The following EXOC4 variants were observed in gnomAD, a reference collection of about 807,000 sequenced individuals.
The protein encoded by EXOC4 is SEC8-like 1.
A neutral mutation model predicts 107.2 loss-of-function variants in EXOC4; 71 were observed. The observed-to-expected ratio is 0.66, with a 90% CI of 0.55 to 0.81. The LOEUF is 0.81. Ranked by LOEUF, EXOC4 falls within the 30% of genes least tolerant of loss-of-function variation. The pLI is 0.00. For missense variants in EXOC4, 1,108 were observed against 1,189.6 expected (o/e 0.93, Z 1.01); for synonymous variants, 456 against 441.2 (o/e 1.03, Z -0.42).
intron 11 of EXOC4, among the ~76,000 whole-genome samples, chr7:133,879,993 C>T (rs1318011305): frequency 6.6e-6 from 1 of 152,150 alleles, no homozygotes; most frequent in African/African-American, 2.4e-5. Flanking sequence ...TCTCCAGCCA[C>T]ACTTGTCTCC....
chr7:133,784,280 G>A (rs1228245578), intron 10 of EXOC4, among the ~76,000 whole-genome samples: 1 of 152,012 alleles, frequency 6.6e-6, no homozygotes, highest in African/African-American at 2.4e-5. Context: ...TTCATTAAGA[G>A]GACAGAAAAA....
chr7:133,474,678 A>G (rs990974679), intron 7 of EXOC4, among the ~76,000 whole-genome samples: 7 of 152,066 alleles, frequency 4.6e-5, no homozygotes, highest in African/African-American at 1.7e-4. Context: ...AGTAGTGGCT[A>G]TGGAAATTCT....
intron 7 of EXOC4, among the ~76,000 whole-genome samples, chr7:133,385,066 T>A: frequency 6.6e-6 from 1 of 152,212 alleles, no homozygotes; most frequent in East Asian, 1.9e-4. Flanking sequence ...TTTCACCATA[T>A]GACCTTGCAG....
intron 12 of EXOC4, among the ~76,000 whole-genome samples, chr7:133,898,745 CAAAAAAAAAAAAAAA>C (rs869131471): frequency 1.5e-5 from 1 of 64,778 alleles, no homozygotes; most frequent in Non-Finnish European, 2.8e-5. Context: ...GACTCTGTCT[CAAAAAAAAAAAAAAA>C]AAAAAAAAAG....
At chr7:134,037,967 C>G (rs536999016) in intron 17 of EXOC4, among the ~76,000 whole-genome samples, 6 of 152,164 alleles carry the variant, frequency 3.9e-5, no homozygotes, top group Admixed American at 2.6e-4. Context: ...TTTCAAAATG[C>G]CTAGAACTGT....
intron 10 of EXOC4, among the ~76,000 whole-genome samples, chr7:133,662,891 T>C (rs1184562060): frequency 6.6e-6 from 1 of 152,206 alleles, no homozygotes; most frequent in Non-Finnish European, 1.5e-5. Context: ...TACTTTTTAC[T>C]AAGGTACTCA....
intron 9 of EXOC4, among the ~76,000 whole-genome samples, chr7:133,539,900 G>C (rs1468995602): frequency 6.6e-6 from 1 of 152,054 alleles, no homozygotes; most frequent in Non-Finnish European, 1.5e-5. Flanking sequence ...TCTCCCAGAA[G>C]ATTCTAAGGA....
chr7:133,282,154 C>CTTTT (rs1794171939), intron 2 of EXOC4, among the ~76,000 whole-genome samples: 1 of 152,214 alleles, frequency 6.6e-6, no homozygotes, highest in Non-Finnish European at 1.5e-5. Flanking sequence ...TTTCTCACCC[C>CTTTT]TTTATCTTTT....
intron 17 of EXOC4, among the ~76,000 whole-genome samples, chr7:134,063,461 G>A (rs190804698): frequency 1.8e-3 from 272 of 152,284 alleles, no homozygotes; most frequent in Middle Eastern, 0.01. Flanking sequence ...ATCCTGGCAT[G>A]GTCAGTCCCT....
intron 10 of EXOC4, among the ~76,000 whole-genome samples, chr7:133,737,226 G>A (rs1486487087): frequency 5.9e-5 from 9 of 152,144 alleles, no homozygotes; most frequent in South Asian, 2.1e-4. Context: ...GTCTTTTAAT[G>A]TGTTCTATGG....
chr7:133,787,951 AT>A (rs1158097203), intron 10 of EXOC4, among the ~76,000 whole-genome samples: 3 of 13,382 alleles, frequency 2.2e-4, no homozygotes, highest in African/African-American at 4.5e-4. Context: ...CCCTGTGCAT[AT>A]ATTTATATAT....
Position 133,853,218 on chromosome 7 carries a change from T to C in EXOC4, c.1734+35674T>C, listed in dbSNP as rs115262067. On this transcript the variant is annotated intron_variant, in intron 11 of 17. Transcript: ENST00000253861. Reference sequence around the variant, plus strand: ...CTATGTGCTTATTCACTAGATGGAATACCTGCTTCATGTAGTTGGCTGGGC... The same window carrying C: ...CTATGTGCTTATTCACTAGATGGAACACCTGCTTCATGTAGTTGGCTGGGC... Among the ~76,000 whole-genome samples, 364 of 152,246 alleles carry C rather than the reference T, an allele frequency of 2.4e-3. 5 individuals are homozygous for C. Among genetic ancestry groups the C allele is most frequent in the African/African-American group, 8.2e-3 (340 of 41,538 alleles).
Position 133,480,059 on chromosome 7 carries a change from G to A in EXOC4, c.1338G>A (p.Ser446=), listed in dbSNP as rs748133993. 21 of 1,613,718 alleles carry A rather than the reference G, an allele frequency of 1.3e-5. No homozygotes were observed. The highest frequency in any genetic ancestry group is 1.2e-4 in the African/African-American group (9 of 74,892). Reference sequence around the variant, plus strand: ...CTGTGTTTCTCTGCAGGTTCGAATCGTCCTCCCATGCCATCAGTATGAGCG... The same window carrying A: ...CTGTGTTTCTCTGCAGGTTCGAATCATCCTCCCATGCCATCAGTATGAGCG... ...RPKNSLFKFE[S]SSHAISMSAY... The change falls in exon 9 of 18, where the codon TCG becomes TCA. Residue 446 remains serine (S), a synonymous_variant. Coordinates refer to ENST00000253861, the MANE Select transcript of EXOC4 (RefSeq NM_021807.4).
rs1416334741 is a variant in EXOC4 at position 133,755,234 on chromosome 7, A to AAT, written c.1515-62083_1515-62082dup. 6.5e-5 allele frequency among the ~76,000 whole-genome samples: 7 copies of AAT among 108,030 alleles called. No individual in the cohort carries two copies. In the East Asian group the frequency reaches 7.3e-4, roughly 11 times the overall value. The allele number at this position is 108,030 out of a possible 152,430, so 70.9% of individuals were successfully genotyped here. The stretch of plus-strand genomic sequence containing the variant: ...TATGTGTGTGTGTGTATATATATAT[A>AAT]ATATATATAATATATATATTATATA... On this transcript the variant is annotated intron_variant, in intron 10 of 17. Coordinates refer to ENST00000253861, the MANE Select transcript of EXOC4 (RefSeq NM_021807.4).
At chr7:133,861,594 G>A (rs1380102345) in intron 11 of EXOC4, among the ~76,000 whole-genome samples, 1 of 152,094 alleles carries the variant, frequency 6.6e-6, no homozygotes, top group Non-Finnish European at 1.5e-5. Flanking sequence ...GAGTGCAGTG[G>A]CGTGATCTCG....
intron 7 of EXOC4, among the ~76,000 whole-genome samples, chr7:133,457,663 A>G (rs1354382658): frequency 1.3e-5 from 2 of 152,244 alleles, no homozygotes; most frequent in Non-Finnish European, 2.9e-5. Flanking sequence ...AGAGGCAACC[A>G]GGGACTCTGC....
intron 12 of EXOC4, among the ~76,000 whole-genome samples, chr7:133,913,340 T>A (rs982606804): frequency 6.6e-6 from 1 of 152,198 alleles, no homozygotes; most frequent in Admixed American, 6.5e-5. Context: ...TATAACATGA[T>A]TGGATGTGTA....
At chr7:133,582,613 G>T (rs1034973091) in intron 9 of EXOC4, among the ~76,000 whole-genome samples, 1 of 151,746 alleles carries the variant, frequency 6.6e-6, no homozygotes, top group Non-Finnish European at 1.5e-5. Flanking sequence ...AAGGTGAAGT[G>T]TAAATGAAAG....
intron 4 of EXOC4, among the ~76,000 whole-genome samples, chr7:133,316,393 G>A (rs1794991229): frequency 6.6e-6 from 1 of 152,096 alleles, no homozygotes; most frequent in Non-Finnish European, 1.5e-5. Flanking sequence ...TGAGAATTAT[G>A]GCTTCCACTT....
Sources: allele counts gnomAD v4.1 joint callset (sites outside exome capture counted in the v4.1 genomes callset), GRCh38; gene constraint gnomAD v4.1.1; transcripts MANE v1.5; gene names NCBI Gene and HGNC (gene_info 2026-07-23, HGNC 2026-07-21).